The following MED27 variants were observed in gnomAD, a reference collection of about 807,000 sequenced individuals.
MED27 encodes the protein mediator complex subunit 27.
In MED27, 30 loss-of-function variants were observed where a neutral mutation model predicts 38.2. The observed-to-expected ratio is 0.79, with a 90% CI of 0.59 to 1.07. The LOEUF (loss-of-function observed/expected upper bound fraction) is 1.07. MED27 is among the 50% of genes least tolerant of loss of function. MED27 has a pLI of 0.00. For synonymous variants in MED27, 122 were observed against 153.5 expected, an observed-to-expected ratio of 0.79 and a Z score of 1.52; for missense variants, 289 against 397.5, an observed-to-expected ratio of 0.73 and a Z score of 2.32.
chr9:131,935,376 TA>T (rs1387018312), intron 4 of MED27, among the ~76,000 whole-genome samples: 2 of 152,068 alleles, frequency 1.3e-5, no homozygotes, highest in South Asian at 2.1e-4. Flanking sequence ...AAAATTAAAA[TA>T]AAAACTTTCA....
intron 3 of MED27, among the ~76,000 whole-genome samples, chr9:131,978,150 T>C (rs188489219): frequency 1.2e-3 from 179 of 152,174 alleles, no homozygotes; most frequent in Middle Eastern, 6.8e-3. Flanking sequence ...ATCTACAGTA[T>C]AGACCAAGCA....
chr9:132,026,447 T>G (rs967147495), intron 2 of MED27, among the ~76,000 whole-genome samples: 2 of 152,252 alleles, frequency 1.3e-5, no homozygotes, highest in East Asian at 3.8e-4. Flanking sequence ...CTGACCACTG[T>G]ACATGACAGT....
chr9:131,908,390 T>C (rs1197558386), intron 4 of MED27, among the ~76,000 whole-genome samples: 2 of 152,216 alleles, frequency 1.3e-5, no homozygotes, highest in Admixed American at 1.3e-4. Flanking sequence ...CAACAGCTCA[T>C]TGAGAACGGG....
chr9:131,922,395 G>T (rs1228535288), intron 4 of MED27, among the ~76,000 whole-genome samples: 1 of 149,712 alleles, frequency 6.7e-6, no homozygotes, highest in African/African-American at 2.4e-5. Flanking sequence ...GTGTTCAATT[G>T]TCCTGGGTTT....
At chr9:131,866,051 G>C (rs1315385302) in intron 6 of MED27, among the ~76,000 whole-genome samples, 1 of 152,140 alleles carries the variant, frequency 6.6e-6, no homozygotes, top group Non-Finnish European at 1.5e-5. Context: ...ACTCATCAGG[G>C]GCCCTGTGGC....
At chr9:132,073,453 A>C in intron 2 of MED27, 3 of 1,127,682 alleles carry the variant, frequency 2.7e-6, no homozygotes, top group Non-Finnish European at 3.3e-6. Flanking sequence ...CCAGCAAGGA[A>C]CAAGATGGAC....
At chr9:131,979,096 G>A (rs765497266) in intron 3 of MED27, among the ~76,000 whole-genome samples, 4 of 152,140 alleles carry the variant, frequency 2.6e-5, no homozygotes, top group African/African-American at 9.7e-5. Flanking sequence ...GTGATGAACC[G>A]CAGAGATGAT....
intron 3 of MED27, among the ~76,000 whole-genome samples, chr9:131,942,810 T>C (rs916064971): frequency 2.0e-5 from 3 of 151,564 alleles, no homozygotes; most frequent in African/African-American, 7.3e-5. Flanking sequence ...TAGAATTCCA[T>C]GCCAACTACC....
At chr9:131,922,903 C>T (rs1830421017) in intron 4 of MED27, among the ~76,000 whole-genome samples, 2 of 152,230 alleles carry the variant, frequency 1.3e-5, no homozygotes, top group African/African-American at 2.4e-5. Flanking sequence ...CGTGAACCAC[C>T]GTGCCCAGCC....
chr9:131,938,460 A>C (rs1028316651), intron 4 of MED27, among the ~76,000 whole-genome samples: 3 of 152,214 alleles, frequency 2.0e-5, no homozygotes, highest in Non-Finnish European at 4.4e-5. Context: ...ACCACTAGAA[A>C]AGCTTCTCAT....
At chr9:131,869,047 G>GTTTT (rs1368234550) in intron 6 of MED27, 2 of 985,342 alleles carry the variant, frequency 2.0e-6, no homozygotes, top group Non-Finnish European at 2.4e-6. Context: ...AAAAAGTCCA[G>GTTTT]TATAAAGCAT....
At chr9:131,881,769 T>TCCTTCCCTC (rs1445213505) in intron 6 of MED27, among the ~76,000 whole-genome samples, 2 of 136,202 alleles carry the variant, frequency 1.5e-5, no homozygotes, top group African/African-American at 5.2e-5. Context: ...CCTCCCTCCC[T>TCCTTCCCTC]CCTTCCCTCC....
At chr9:132,038,403 G>A (rs1489522389) in intron 2 of MED27, among the ~76,000 whole-genome samples, 8 of 151,150 alleles carry the variant, frequency 5.3e-5, no homozygotes, top group Admixed American at 2.0e-4. Flanking sequence ...CGTTTTAGCC[G>A]GGATGGTCTC....
intron 3 of MED27, among the ~76,000 whole-genome samples, chr9:131,985,326 C>T (rs546493899): frequency 6.6e-6 from 1 of 152,332 alleles, no homozygotes; most frequent in South Asian, 2.1e-4. Context: ...ATATCTCCTG[C>T]TCCCAAATAA....
intron 2 of MED27, among the ~76,000 whole-genome samples, chr9:132,048,693 G>A (rs752712506): frequency 1.2e-4 from 18 of 152,124 alleles, no homozygotes; most frequent in African/African-American, 3.1e-4. Flanking sequence ...TTCATCAACC[G>A]CTCAGATAAG....
chr9:132,046,335 C>A (rs1833336673), intron 2 of MED27, among the ~76,000 whole-genome samples: 2 of 151,550 alleles, frequency 1.3e-5, no homozygotes, highest in South Asian at 2.1e-4. Context: ...CTAATGCTCA[C>A]AAAAGTATAC....
chr9:132,066,660 CAAGT>C (rs1833816387), intron 2 of MED27, among the ~76,000 whole-genome samples: 1 of 152,154 alleles, frequency 6.6e-6, no homozygotes, highest in Admixed American at 6.5e-5. Flanking sequence ...CCTCCCAAAA[CAAGT>C]AAGTGACTGC....
chr9:132,073,237 A>T (rs1833980020), intron 2 of MED27: 2 of 804,858 alleles, frequency 2.5e-6, no homozygotes, highest in South Asian at 1.1e-4. Context: ...CCATCCAAGC[A>T]CCACAACTGG....
At chr9:131,900,598 G>A (rs891474218) in intron 4 of MED27, among the ~76,000 whole-genome samples, 2 of 151,812 alleles carry the variant, frequency 1.3e-5, no homozygotes, top group African/African-American at 4.8e-5. Context: ...TAGGATCAGG[G>A]GAGGTGAGCT....
Sources: allele counts gnomAD v4.1 joint callset (sites outside exome capture counted in the v4.1 genomes callset), GRCh38; gene constraint gnomAD v4.1.1; transcripts MANE v1.5; gene names NCBI Gene and HGNC (gene_info 2026-07-23, HGNC 2026-07-21).